The following SLC26A4 variants were observed in gnomAD, a reference collection of about 807,000 sequenced individuals.
SLC26A4 encodes solute carrier family 26 member 4.
SLC26A4 carries 93 observed loss-of-function variants against 90.4 expected under a neutral mutation model. The observed-to-expected ratio is 1.03, with a 90% CI of 0.87 to 1.22. SLC26A4 has a LOEUF of 1.22. Among genes scored for constraint, SLC26A4 ranks in the 50% most tolerant of loss-of-function variants. SLC26A4 has a pLI of 0.00. For synonymous variants in SLC26A4, 393 were observed against 354.6 expected (o/e 1.11, Z -1.22); for missense variants, 1,127 against 946.2 (o/e 1.19, Z -2.51).
rs889856596 is a variant in SLC26A4, at chr7:107,674,140, T to G, written c.416-24T>G. 3 of 1,610,584 alleles carry G rather than the reference T, an allele frequency of 1.9e-6. No individual in the cohort carries two copies. The African/African-American group carries it at 4.0e-5, about 22-fold the overall frequency. On this transcript the variant is annotated intron_variant, in intron 4 of 20. Coordinates refer to ENST00000644269, the MANE Select transcript of SLC26A4 (RefSeq NM_000441.2). ...ACATTTGTGATTAATAACTGATTAA[T>G]TGTTAGAGACTTTTTTTCCCCAGGA...
intron 17 of SLC26A4, among the ~76,000 whole-genome samples, chr7:107,703,509 T>A (rs982662): frequency 1 from 152,318 of 152,340 alleles, 76,148 homozygotes; most frequent in Middle Eastern, 1. Context: ...TCATTTGAAA[T>A]CACTCTTGTT....
At chr7:107,701,052 A>G (rs1378591997) in intron 15 of SLC26A4, 49 bp from the exon 16 acceptor site, 1 of 1,106,464 alleles carries the variant, frequency 9.0e-7, no homozygotes, top group South Asian at 1.2e-5. Flanking sequence ...TGCCATTAAT[A>G]AGCTTTAGGT....
intron 14 of SLC26A4, among the ~76,000 whole-genome samples, chr7:107,698,912 A>G (rs1791814880): frequency 6.6e-6 from 1 of 152,238 alleles, no homozygotes; most frequent in Admixed American, 6.5e-5. Flanking sequence ...AAAATTGCTT[A>G]GTGGTGACTA....
intron 6 of SLC26A4, among the ~76,000 whole-genome samples, chr7:107,675,540 G>A (rs1379629492): frequency 1.1e-3 from 2 of 1,868 alleles, no homozygotes; most frequent in Non-Finnish European, 9.0e-3. Context: ...AACAAAACTT[G>A]AGTCTGGGAG....
chr7:107,663,587 C>T, intron 3 of SLC26A4, 152 bp downstream of exon 3: 1 of 860,456 alleles, frequency 1.2e-6, no homozygotes, highest in Non-Finnish European at 1.9e-6. Context: ...CCTCTCTTCT[C>T]CCCTTCCTTA....
At chr7:107,698,885 T>G (rs1340173221) in intron 14 of SLC26A4, among the ~76,000 whole-genome samples, 1 of 152,118 alleles carries the variant, frequency 6.6e-6, no homozygotes, top group Non-Finnish European at 1.5e-5. Context: ...ATTGATGGAC[T>G]TGTGTCACCT....
rs201689637 is a variant in SLC26A4 at position 107,702,031 on chromosome 7, G to T, written c.2008G>T (p.Val670Phe). Reference sequence around the variant, plus strand: ...CTGTGGAGCTATATCTTTCCTGGACGTTGTTGGAGTGAGATCACTGCGGGT... The same window carrying T: ...CTGTGGAGCTATATCTTTCCTGGACTTTGTTGGAGTGAGATCACTGCGGGT... ...LDCGAISFLD[V>F]VGVRSLRVIV... The change falls in exon 17 of 21, where the codon GTT becomes TTT. Residue 670 changes from valine to phenylalanine, a missense_variant. Coordinates refer to ENST00000644269, the MANE Select transcript of SLC26A4 (RefSeq NM_000441.2). 2 of 1,613,128 alleles carry T rather than the reference G, an allele frequency of 1.2e-6. No individual in the cohort carries two copies.
At chr7:107,709,527 T>G (rs1792123600) in intron 18 of SLC26A4, among the ~76,000 whole-genome samples, 1 of 152,138 alleles carries the variant, frequency 6.6e-6, no homozygotes, top group South Asian at 2.1e-4. Context: ...CCTCTCAAAG[T>G]GCTGGAATTA....
At chr7:107,680,320 T>C (rs1193727804) in intron 6 of SLC26A4, among the ~76,000 whole-genome samples, 1 of 139,406 alleles carries the variant, frequency 7.2e-6, no homozygotes, top group South Asian at 2.2e-4. Flanking sequence ...TATATTATTA[T>C]ATAATCTTAT....
chr7:107,666,612 C>G (rs924720270), intron 3 of SLC26A4, among the ~76,000 whole-genome samples: 5 of 152,086 alleles, frequency 3.3e-5, no homozygotes, highest in African/African-American at 1.2e-4. Flanking sequence ...GAGAAGGAGA[C>G]AGCCATGTGA....
chr7:107,668,463 G>A (rs545404393), intron 3 of SLC26A4, among the ~76,000 whole-genome samples: 2 of 152,318 alleles, frequency 1.3e-5, no homozygotes, highest in South Asian at 4.1e-4. Context: ...AGGTGGTGGT[G>A]TGGTTTCCAG....
rs773036262 is a variant in SLC26A4, at chr7:107,710,173, G to A, written c.2209G>A (p.Glu737Lys). The change falls in exon 19 of 21, where the codon GAG becomes AAG. Residue 737 changes from glutamate to lysine, a missense_variant. By Grantham distance (56) the Glu-to-Lys change is moderately conservative (BLOSUM62 1). Transcript: ENST00000644269. ...TCTACAGAACCAAGTGAAATCTCAA[G>A]AGGGTCAAGGTTCCATTTTAGAAAC... ...LYLQNQVKSQ[E>K]GQGSILETIT... 1.9e-6 allele frequency: 3 copies of A among 1,606,878 alleles called. No individual in the cohort carries two copies.
chr7:107,670,288 T>C (rs903591153), intron 3 of SLC26A4, among the ~76,000 whole-genome samples: 3 of 152,066 alleles, frequency 2.0e-5, no homozygotes, highest in Non-Finnish European at 4.4e-5. Context: ...TTTGTATTTT[T>C]AGTAGAGACG....
chr7:107,691,954 C>G (rs957719914), intron 10 of SLC26A4: 3 of 1,287,584 alleles, frequency 2.3e-6, no homozygotes, highest in South Asian at 1.2e-5. Context: ...TCATTTGAGA[C>G]GGAGCACTGA....
chr7:107,704,510 A>G, intron 18 of SLC26A4, 125 bp downstream of exon 18: 1 of 604,792 alleles, frequency 1.7e-6, no homozygotes, highest in South Asian at 1.8e-5. Context: ...CTCAATTGTC[A>G]TTATTTGCAG....
chr7:107,689,170 C>G lies in SLC26A4; in HGVS notation c.1119C>G (p.Thr373=), dbSNP rs1791501741. Residue 373 remains threonine (T), a synonymous_variant, in exon 9 of 21, where the codon ACC becomes ACG. Transcript: ENST00000644269. ...TGTCAGTAGGAAAAGTATATGCCAC[C>G]AAGTATGATTACACCATCGATGGGA... ...IAVSVGKVYA[T]KYDYTIDGNQ... 2 of 1,613,768 alleles carry G rather than the reference C, an allele frequency of 1.2e-6. No homozygotes were observed. The highest frequency in any genetic ancestry group is 1.7e-6 in the Non-Finnish European group (2 of 1,179,804).
At position 107,700,079 on chromosome 7, in the gene SLC26A4, C is replaced by T. The variant is rs1401757719; in HGVS notation, c.1615-4C>T. On this transcript the variant is annotated splice_polypyrimidine_tract_variant and splice_region_variant and intron_variant, in intron 14 of 20. Transcript: ENST00000644269. ...TAATCCCAGACAATTTCTTTTAATG[C>T]CAGATTGAAGAACCTCAAGGAGTGA... 1.4e-6 allele frequency: 2 copies of T among 1,473,246 alleles called. No individual in the cohort carries two copies. The highest frequency in any genetic ancestry group is 1.9e-6 in the Non-Finnish European group (2 of 1,051,794). 91.3% of individuals were successfully genotyped at this position (1,473,246 alleles called of 1,614,324 possible).
chr7:107,694,415 ATC>A lies in SLC26A4; in HGVS notation c.1280_1281del (p.Ser427CysfsTer40). 6.2e-7 allele frequency: 1 copy of A among 1,613,550 alleles called. No individual in the cohort carries two copies. Among genetic ancestry groups the A allele is most frequent in the Non-Finnish European group, 8.5e-7 (1 of 1,179,578 alleles). On this transcript the variant is annotated frameshift_variant, in exon 11 of 21. Transcript: ENST00000644269. LOFTEE classifies it high-confidence loss of function. ...TGGKTQVAGI[I>X]SAAIVMIAIL... ...GTGTGTCTTCCAGGTTGCTGGCATC[ATC>A]TCTGCTGCGATTGTGATGATCGCCA...
At chr7:107,680,418 T>C (rs1228080999) in intron 6 of SLC26A4, among the ~76,000 whole-genome samples, 3 of 145,042 alleles carry the variant, frequency 2.1e-5, no homozygotes, top group Non-Finnish European at 4.5e-5. Context: ...TATATAATCT[T>C]ATATTATTAT....
Sources: gnomAD v4.1 joint callset for allele counts (sites outside exome capture counted in the v4.1 genomes callset) on GRCh38, gnomAD v4.1.1 for gene constraint, MANE v1.5 for transcripts, NCBI Gene and HGNC (gene_info 2026-07-23, HGNC 2026-07-21) for gene names.